Variants in ZBTB20 observed in about 807,000 individuals in gnomAD.
The protein encoded by ZBTB20 is zinc finger and BTB domain-containing protein 20.
In ZBTB20, 9 loss-of-function variants were observed where a neutral mutation model predicts 56.9. The observed-to-expected ratio is 0.16, with a 90% CI of 0.10 to 0.28. The LOEUF (loss-of-function observed/expected upper bound fraction) is 0.28. Ranked by LOEUF, ZBTB20 falls within the 10% of genes least tolerant of loss-of-function variation. The probability of loss-of-function intolerance (pLI) is 1.00; values close to 1 mark genes in which losing one functional copy is unlikely to be tolerated. For synonymous variants in ZBTB20, 417 were observed against 420.7 expected, an observed-to-expected ratio of 0.99 and a Z score of 0.11; for missense variants, 655 against 1,003.0, an observed-to-expected ratio of 0.65 and a Z score of 4.69.
intron 4 of ZBTB20, among the ~76,000 whole-genome samples, chr3:114,819,929 T>C (rs373718563): frequency 1.2e-4 from 18 of 151,950 alleles, no homozygotes; most frequent in South Asian, 2.1e-4. Flanking sequence ...TAGTTCCTTA[T>C]TAAATCACTG....
intron 4 of ZBTB20, among the ~76,000 whole-genome samples, chr3:114,826,860 T>G (rs1362778213): frequency 2.6e-5 from 4 of 151,558 alleles, no homozygotes; most frequent in Non-Finnish European, 5.9e-5. Flanking sequence ...ACCAAAAAAC[T>G]AATAAGAATA....
At chr3:114,852,711 T>C (rs2075062858) in intron 4 of ZBTB20, among the ~76,000 whole-genome samples, 1 of 152,252 alleles carries the variant, frequency 6.6e-6, no homozygotes. Context: ...TTAAAGCTAT[T>C]AGCTTTGCTT....
intron 5 of ZBTB20, among the ~76,000 whole-genome samples, chr3:114,759,786 A>G (rs2108689083): frequency 6.6e-6 from 1 of 152,302 alleles, no homozygotes; most frequent in Admixed American, 6.5e-5. Context: ...TCCCAAATAT[A>G]TGCTACACAC....
intron 5 of ZBTB20, among the ~76,000 whole-genome samples, chr3:114,740,112 G>A (rs1050648632): frequency 6.6e-6 from 1 of 152,038 alleles, no homozygotes; most frequent in African/African-American, 2.4e-5. Flanking sequence ...AGCTTATTTT[G>A]TATTTTCATA....
At chr3:115,068,268 G>A (rs1212570538) in intron 2 of ZBTB20, among the ~76,000 whole-genome samples, 1 of 151,792 alleles carries the variant, frequency 6.6e-6, no homozygotes, top group Non-Finnish European at 1.5e-5. Flanking sequence ...TACTTTTTAT[G>A]TTTTACTGTT....
chr3:114,355,796 T>C (rs1169787648), intron 10 of ZBTB20, among the ~76,000 whole-genome samples: 1 of 151,920 alleles, frequency 6.6e-6, no homozygotes, highest in Non-Finnish European at 1.5e-5. Flanking sequence ...CTATTCTTTC[T>C]TAGATTGGCA....
intron 4 of ZBTB20, among the ~76,000 whole-genome samples, chr3:114,827,964 A>T (rs1274960481): frequency 6.6e-6 from 1 of 151,768 alleles, no homozygotes; most frequent in South Asian, 2.1e-4. Context: ...AGATCTTAAG[A>T]GGTCTCCAAA....
chr3:115,049,231 T>G (rs1189599022), intron 2 of ZBTB20, among the ~76,000 whole-genome samples: 2 of 152,120 alleles, frequency 1.3e-5, no homozygotes, highest in African/African-American at 2.4e-5. Context: ...ACAGCAATTA[T>G]TATAAGATAT....
At chr3:114,627,286 A>G (rs2058705615) in intron 6 of ZBTB20, among the ~76,000 whole-genome samples, 2 of 152,194 alleles carry the variant, frequency 1.3e-5, no homozygotes, top group South Asian at 2.1e-4. Context: ...AGGGGATCCT[A>G]TTGGGACATG....
intron 7 of ZBTB20, among the ~76,000 whole-genome samples, chr3:114,472,538 C>A (rs965416564): frequency 6.6e-6 from 1 of 152,086 alleles, no homozygotes; most frequent in Admixed American, 6.6e-5. Context: ...GGTGAAACCC[C>A]GTCTTTACTA....
chr3:114,996,011 T>C (rs1049795498), intron 2 of ZBTB20, among the ~76,000 whole-genome samples: 1 of 151,790 alleles, frequency 6.6e-6, no homozygotes, highest in Admixed American at 6.6e-5. Context: ...AGAAGTTCCA[T>C]GTATCAGTCA....
At chr3:114,803,796 T>G (rs971946637) in intron 4 of ZBTB20, among the ~76,000 whole-genome samples, 1 of 141,836 alleles carries the variant, frequency 7.1e-6, no homozygotes, top group African/African-American at 2.6e-5. Context: ...TTTTTTTTTT[T>G]AATTCAAATT....
intron 8 of ZBTB20, among the ~76,000 whole-genome samples, chr3:114,386,725 T>C (rs2085172978): frequency 6.6e-6 from 1 of 152,166 alleles, no homozygotes; most frequent in Non-Finnish European, 1.5e-5. Flanking sequence ...GCCAGTCTTC[T>C]GGGTCACACA....
intron 4 of ZBTB20, among the ~76,000 whole-genome samples, chr3:114,886,905 C>T (rs1018828622): frequency 7.2e-5 from 11 of 152,138 alleles, no homozygotes; most frequent in East Asian, 3.8e-4. Context: ...TCGCCTATAA[C>T]GGAATACTTG....
chr3:114,441,509 C>T (rs2108963431), intron 7 of ZBTB20, among the ~76,000 whole-genome samples: 1 of 152,260 alleles, frequency 6.6e-6, no homozygotes, highest in East Asian at 1.9e-4. Context: ...ACCCACTGCA[C>T]TACGAATGTC....
intron 11 of ZBTB20, among the ~76,000 whole-genome samples, chr3:114,347,770 C>T (rs1444309208): frequency 6.6e-6 from 1 of 152,138 alleles, no homozygotes; most frequent in Non-Finnish European, 1.5e-5. Flanking sequence ...AAGGGAAGAG[C>T]ATTACTTCTT....
At chr3:114,504,413 A>G (rs2044365164) in intron 6 of ZBTB20, among the ~76,000 whole-genome samples, 1 of 152,202 alleles carries the variant, frequency 6.6e-6, no homozygotes, top group Non-Finnish European at 1.5e-5. Context: ...AAAAAGCCAC[A>G]AAATAAATAG....
At chr3:115,040,255 G>C (rs1431426993) in intron 2 of ZBTB20, among the ~76,000 whole-genome samples, 1 of 151,896 alleles carries the variant, frequency 6.6e-6, no homozygotes, top group Admixed American at 6.6e-5. Context: ...ACTGCAAAGT[G>C]GCATACAAAA....
chr3:114,876,109 C>T (rs2076181987), intron 4 of ZBTB20, among the ~76,000 whole-genome samples: 1 of 149,354 alleles, frequency 6.7e-6, no homozygotes, highest in Non-Finnish European at 1.5e-5. Context: ...TGGTGGCATG[C>T]ACCTGTAGTT....
Sources: gnomAD v4.1 joint callset for allele counts (sites outside exome capture counted in the v4.1 genomes callset) on GRCh38, gnomAD v4.1.1 for gene constraint, MANE v1.5 for transcripts, NCBI Gene and HGNC (gene_info 2026-07-23, HGNC 2026-07-21) for gene names.